Variants in ZDHHC14 observed in about 807,000 individuals in gnomAD.
The protein encoded by ZDHHC14 is palmitoyltransferase ZDHHC14.
In ZDHHC14, 16 loss-of-function variants were observed where a neutral mutation model predicts 47.7. The ratio of observed to expected loss-of-function variants is 0.34; its 90% confidence interval spans 0.23 to 0.51. The LOEUF is 0.51. Among genes scored for constraint, ZDHHC14 ranks in the 20% least tolerant of loss-of-function variants. The probability of loss-of-function intolerance (pLI) is 0.97; values close to 1 mark genes in which losing one functional copy is unlikely to be tolerated. For synonymous variants in ZDHHC14, 293 were observed against 278.9 expected (o/e 1.05, Z -0.50); for missense variants, 515 against 662.5 (o/e 0.78, Z 2.44).
At chr6:157,392,180 A>G (rs1041185818) in intron 1 of ZDHHC14, among the ~76,000 whole-genome samples, 1 of 152,168 alleles carries the variant, frequency 6.6e-6, no homozygotes, top group Non-Finnish European at 1.5e-5. Flanking sequence ...CTTTTATGTG[A>G]TATTAAAATA....
chr6:157,481,549 C>G (rs193218210), intron 1 of ZDHHC14, among the ~76,000 whole-genome samples: 14 of 152,318 alleles, frequency 9.2e-5, no homozygotes, highest in Non-Finnish European at 1.9e-4. Context: ...CTGGACCCTT[C>G]CCACCTTAGT....
intron 1 of ZDHHC14, among the ~76,000 whole-genome samples, chr6:157,459,516 G>A (rs766576978): frequency 8.5e-5 from 13 of 152,164 alleles, no homozygotes; most frequent in South Asian, 2.1e-4. Flanking sequence ...CTTTGCACAC[G>A]TGTGGGCGGC....
chr6:157,463,051 T>C lies in ZDHHC14; in HGVS notation c.246-79534T>C, dbSNP rs779390926. 2.0e-4 allele frequency among the ~76,000 whole-genome samples: 30 copies of C among 152,248 alleles called. No individual in the cohort carries two copies. The highest frequency in any genetic ancestry group is 1.1e-3 in the Admixed American group (17 of 15,288). Reference sequence around the variant, plus strand: ...AGTCTCTTTTCCAGAAAGATTCTTATGTCGGCTGAGTTCAAGTAGGTAGGT... The same window carrying C: ...AGTCTCTTTTCCAGAAAGATTCTTACGTCGGCTGAGTTCAAGTAGGTAGGT... On this transcript the variant is annotated intron_variant, in intron 1 of 8. Transcript: ENST00000359775. This position sits in a 1 kb window ranked among gnomAD's most constrained non-coding sequence, Gnocchi z 4.4.
chr6:157,522,146 T>C (rs1780939830), intron 1 of ZDHHC14, among the ~76,000 whole-genome samples: 1 of 152,188 alleles, frequency 6.6e-6, no homozygotes, highest in African/African-American at 2.4e-5. Context: ...CGTCCTTCAA[T>C]GACCTCAATA....
At chr6:157,606,725 A>T (rs564943780) in intron 3 of ZDHHC14, among the ~76,000 whole-genome samples, 1 of 152,302 alleles carries the variant, frequency 6.6e-6, no homozygotes, top group African/African-American at 2.4e-5. Context: ...GCATAGTCTC[A>T]CCCGCGGTCA....
At chr6:157,539,017 G>T (rs886597698) in intron 1 of ZDHHC14, among the ~76,000 whole-genome samples, 5 of 152,136 alleles carry the variant, frequency 3.3e-5, no homozygotes, top group African/African-American at 1.2e-4. Context: ...TAGGAACGGC[G>T]GAAGCATGGA....
At chr6:157,593,513 C>A (rs2114893798) in intron 3 of ZDHHC14, among the ~76,000 whole-genome samples, 1 of 152,282 alleles carries the variant, frequency 6.6e-6, no homozygotes, top group South Asian at 2.1e-4. Context: ...TGTCCCAGCT[C>A]CTCAGAGGGG....
At chr6:157,623,045 C>T (rs559913560) in intron 3 of ZDHHC14, among the ~76,000 whole-genome samples, 22 of 152,212 alleles carry the variant, frequency 1.4e-4, no homozygotes, top group Admixed American at 6.5e-4. Context: ...CCAGGATCCC[C>T]GGGCTAGCTA....
chr6:157,504,497 G>A (rs547836140), intron 1 of ZDHHC14, among the ~76,000 whole-genome samples: 2 of 141,814 alleles, frequency 1.4e-5, no homozygotes, highest in Admixed American at 1.5e-4. Flanking sequence ...TTGTCACCCA[G>A]GCTGGAGTGC....
rs34988240 is a variant in ZDHHC14, at chr6:157,511,547, C to CTTTTTTTTTTTTTT, written c.246-31033_246-31020dup. Among the ~76,000 whole-genome samples, 555 of 114,804 alleles carry CTTTTTTTTTTTTTT rather than the reference C, an allele frequency of 4.8e-3. 21 individuals carry two copies. Among genetic ancestry groups the CTTTTTTTTTTTTTT allele is most frequent in the African/African-American group, 0.012 (319 of 26,662 alleles). 75.3% of individuals were successfully genotyped at this position (114,804 alleles called of 152,430 possible). A position where few individuals can be genotyped will look rare whatever the true frequency, so the allele number is the denominator to read the frequency against. On this transcript the variant is annotated intron_variant, in intron 1 of 8. Transcript: ENST00000359775. ...AGGCATGCGCCACGAAGCCCGGGTA[C>CTTTTTTTTTTTTTT]TTTTTTTTTTTTTTTTTTGTATTTT... is the stretch of plus-strand genomic sequence containing the variant.
At chr6:157,626,806 A>G (rs1205733263) in intron 3 of ZDHHC14, among the ~76,000 whole-genome samples, 3 of 146,838 alleles carry the variant, frequency 2.0e-5, no homozygotes, top group South Asian at 4.6e-4. Context: ...GGCCCCGGGT[A>G]TTCTCTGTGA....
chr6:157,675,389 A>G lies in ZDHHC14; in HGVS notation c.*2267A>G, dbSNP rs1778954036. The G allele has an allele frequency of 6.6e-6, 1 of 152,238 alleles. No homozygotes were observed. Among genetic ancestry groups the G allele is most frequent in the Non-Finnish European group, 1.5e-5 (1 of 68,056 alleles). 9.4% of individuals were successfully genotyped at this position (152,238 alleles called of 1,614,324 possible). ...ACTTGTCTTCACATAATGGATATTT[A>G]CTTAATATTTATTATCAATTTCCCC... On this transcript the variant is annotated 3_prime_UTR_variant, in exon 9 of 9. Transcript: ENST00000359775.
chr6:157,417,651 A>G (rs1275360249), intron 1 of ZDHHC14, among the ~76,000 whole-genome samples: 1 of 152,218 alleles, frequency 6.6e-6, no homozygotes, highest in Non-Finnish European at 1.5e-5. Context: ...GATGACTTAC[A>G]TTGGCTGATA....
chr6:157,511,822 T>C (rs1039959225), intron 1 of ZDHHC14, among the ~76,000 whole-genome samples: 1 of 152,218 alleles, frequency 6.6e-6, no homozygotes, highest in Admixed American at 6.5e-5. Flanking sequence ...GAGCTGGGAA[T>C]TTCTAGAGGA....
At chr6:157,547,550 T>TA (rs1782026012) in intron 2 of ZDHHC14, among the ~76,000 whole-genome samples, 1 of 150,812 alleles carries the variant, frequency 6.6e-6, no homozygotes, top group African/African-American at 2.5e-5. Flanking sequence ...ATTCTGTATT[T>TA]AAGAGTAGAA....
At position 157,673,181 on chromosome 6, in the gene ZDHHC14, C is replaced by G; in HGVS notation, c.*59C>G. On this transcript the variant is annotated 3_prime_UTR_variant, in exon 9 of 9. Transcript: ENST00000359775. The surrounding 1 kb of genome is among the most constrained non-coding windows in gnomAD (Gnocchi z 5.4). ...CTCCTCCATGGGCAGCAGGAGTGAG[C>G]GGAGGGGTGTGTCCCACAGCGACTT... The G allele has an allele frequency of 6.7e-7, 1 of 1,487,060 alleles. No homozygotes were observed. Among genetic ancestry groups the G allele is most frequent in the Non-Finnish European group, 8.9e-7 (1 of 1,128,132 alleles). The allele number at this position is 1,487,060 out of a possible 1,614,324, so 92.1% of individuals were successfully genotyped here. A position where few individuals can be genotyped will look rare whatever the true frequency, so the allele number is the denominator to read the frequency against.
At chr6:157,521,354 T>C (rs1015911195) in intron 1 of ZDHHC14, among the ~76,000 whole-genome samples, 2 of 152,244 alleles carry the variant, frequency 1.3e-5, no homozygotes, top group Non-Finnish European at 2.9e-5. Flanking sequence ...GTTTCTACAC[T>C]GCACCTTAGC....
chr6:157,576,974 A>G (rs1783332172), intron 2 of ZDHHC14, among the ~76,000 whole-genome samples: 8 of 152,192 alleles, frequency 5.3e-5, no homozygotes, highest in Admixed American at 5.2e-4. Context: ...TCACCCAGGT[A>G]CTACCCCACA....
At chr6:157,576,278 A>G (rs989586576) in intron 2 of ZDHHC14, among the ~76,000 whole-genome samples, 1 of 152,200 alleles carries the variant, frequency 6.6e-6, no homozygotes, top group African/African-American at 2.4e-5. Context: ...AGCTGCTGCA[A>G]TATATTATTA....
Sources: gnomAD v4.1 joint callset for allele counts (sites outside exome capture counted in the v4.1 genomes callset) on GRCh38, gnomAD v4.1.1 for gene constraint, Gnocchi (gnomAD v3.1) non-coding constraint, MANE v1.5 for transcripts, NCBI Gene and HGNC (gene_info 2026-07-23, HGNC 2026-07-21) for gene names.